Variants in AGMO observed in about 807,000 individuals in gnomAD.
The protein encoded by AGMO is glyceryl-ether monooxygenase.
A neutral mutation model predicts 60.2 loss-of-function variants in AGMO; 75 were observed. The ratio of observed to expected loss-of-function variants is 1.25; its 90% CI spans 1.03 to 1.51. The LOEUF (loss-of-function observed/expected upper bound fraction) is 1.51. AGMO is among the 40% of genes most tolerant of loss of function. The pLI, the probability that AGMO is intolerant of heterozygous loss-of-function variation, is 0.00. For missense variants in AGMO, 763 were observed against 525.5 expected, an observed-to-expected ratio of 1.45 and a Z score of -4.42; for synonymous variants, 261 against 177.1, an observed-to-expected ratio of 1.47 and a Z score of -3.76.
intron 5 of AGMO, among the ~76,000 whole-genome samples, chr7:15,418,125 A>T (rs1306539988): frequency 6.6e-6 from 1 of 152,052 alleles, no homozygotes; most frequent in Non-Finnish European, 1.5e-5. Flanking sequence ...TTCCAATCAA[A>T]AATTATTTTC....
At chr7:15,220,789 C>A (rs1006182574) in intron 12 of AGMO, among the ~76,000 whole-genome samples, 1 of 151,748 alleles carries the variant, frequency 6.6e-6, no homozygotes, top group Non-Finnish European at 1.5e-5. Context: ...TTATTATTAC[C>A]ATAAATAGCA....
intron 2 of AGMO, among the ~76,000 whole-genome samples, chr7:15,553,723 A>C (rs568083075): frequency 6.6e-6 from 1 of 152,266 alleles, no homozygotes; most frequent in Admixed American, 6.5e-5. Flanking sequence ...TACATAAATA[A>C]ATAAATAAAT....
chr7:15,169,509 T>C, the AGMO span, among the ~76,000 whole-genome samples: 1 of 152,078 alleles, frequency 6.6e-6, no homozygotes, highest in Non-Finnish European at 1.5e-5. Context: ...CAATCTCGGC[T>C]CACCGCAACC....
intron 6 of AGMO, among the ~76,000 whole-genome samples, chr7:15,392,786 G>C (rs1784199467): frequency 6.8e-6 from 1 of 146,872 alleles, no homozygotes; most frequent in African/African-American, 2.6e-5. Context: ...GCGACAGAAT[G>C]AGACTCTGTC....
At chr7:15,200,223 A>G (rs1487046998), downstream of AGMO, 1 of 151,882 alleles carries the variant, frequency 6.6e-6, no homozygotes, top group Non-Finnish European at 1.5e-5. Flanking sequence ...TCCAGTTCTC[A>G]TTCTTTGGAC....
chr7:15,275,044 T>C (rs1191644357), intron 12 of AGMO, among the ~76,000 whole-genome samples: 2 of 152,070 alleles, frequency 1.3e-5, no homozygotes, highest in African/African-American at 4.8e-5. Context: ...CTCAATCTCA[T>C]TTAGTTCTGC....
At chr7:15,332,266 A>G (rs371774287) in intron 12 of AGMO, among the ~76,000 whole-genome samples, 1 of 152,112 alleles carries the variant, frequency 6.6e-6, no homozygotes, top group African/African-American at 2.4e-5. Flanking sequence ...CTTTCTCCCT[A>G]TCAGGACTCC....
chr7:15,446,870 G>C (rs2128504053), intron 3 of AGMO, among the ~76,000 whole-genome samples: 1 of 152,304 alleles, frequency 6.6e-6, no homozygotes, highest in South Asian at 2.1e-4. Context: ...AGTGCAAACT[G>C]TTCAGGTTCA....
At chr7:15,557,082 G>A (rs1785163927) in intron 2 of AGMO, among the ~76,000 whole-genome samples, 1 of 151,884 alleles carries the variant, frequency 6.6e-6, no homozygotes, top group Non-Finnish European at 1.5e-5. Flanking sequence ...AACATGGTAG[G>A]CACGCTATTA....
At chr7:15,428,075 T>C (rs1781121639) in intron 4 of AGMO, among the ~76,000 whole-genome samples, 1 of 148,752 alleles carries the variant, frequency 6.7e-6, no homozygotes, top group South Asian at 2.1e-4. Flanking sequence ...CCATTTATTA[T>C]TTGTCCTAAA....
intron 12 of AGMO, among the ~76,000 whole-genome samples, chr7:15,263,013 G>A (rs1042801032): frequency 1.3e-5 from 2 of 152,080 alleles, no homozygotes. Context: ...CTAGACATTG[G>A]CTTAGGCAAT....
rs116346384 is a variant in AGMO, at chr7:15,497,106, G to A, written c.409+47666C>T. Among the ~76,000 whole-genome samples the A allele has an allele frequency of 1.0e-2, 1,519 of 152,246 alleles. 27 individuals carry two copies. Among genetic ancestry groups the A allele is most frequent in the African/African-American group, 0.036 (1,484 of 41,556 alleles). On this transcript the variant is annotated intron_variant, in intron 3 of 12. Transcript: ENST00000342526. ...AAGTCAGAGGACTGGAGCCCTCACC[G>A]TAGTTCTCCCACTGATTCCTACAAT... is the stretch of plus-strand genomic sequence containing the variant.
intron 3 of AGMO, among the ~76,000 whole-genome samples, chr7:15,466,818 G>C (rs1050067136): frequency 6.6e-6 from 1 of 152,068 alleles, no homozygotes; most frequent in Non-Finnish European, 1.5e-5. Context: ...GGATACAGTT[G>C]GTTCAAGCAA....
chr7:15,281,916 T>C lies in AGMO; in HGVS notation c.1264-80557A>G, dbSNP rs371174011. On this transcript the variant is annotated intron_variant, in intron 12 of 12. Transcript: ENST00000342526. ...TACACCAAACACATTGCTACTACAA[T>C]GAGCATCTGAGAAAGCTACTACAAA... is the stretch of plus-strand genomic sequence containing the variant. Among the ~76,000 whole-genome samples the C allele has an allele frequency of 5.9e-5, 9 of 152,262 alleles. No homozygotes were observed. The South Asian group carries it at 1.9e-3, about 32-fold the overall frequency.
At chr7:15,387,222 C>G (rs947682677) in intron 9 of AGMO, among the ~76,000 whole-genome samples, 184 bp downstream of exon 9, 2 of 152,206 alleles carry the variant, frequency 1.3e-5, no homozygotes, top group African/African-American at 2.4e-5. Flanking sequence ...TGGGAGAAGG[C>G]ACTCCTTTAA....
In AGMO at chr7:15,254,835, T is replaced by A. The variant is rs200684854; in HGVS notation, c.1264-53476A>T. Among the ~76,000 whole-genome samples the A allele has an allele frequency of 5.3e-5, 8 of 151,904 alleles. 1 individual carries two copies. The East Asian group carries it at 1.5e-3, about 29-fold the overall frequency. ...AATACAAAGAATCATAAGAAACTAC[T>A]ATAAACAATTTATAACAACAAATTA... On this transcript the variant is annotated intron_variant, in intron 12 of 12. Coordinates refer to ENST00000342526, the MANE Select transcript of AGMO (RefSeq NM_001004320.2).
chr7:15,261,522 C>T (rs1783270499), intron 12 of AGMO, among the ~76,000 whole-genome samples: 1 of 151,774 alleles, frequency 6.6e-6, no homozygotes, highest in Non-Finnish European at 1.5e-5. Flanking sequence ...ATATTGTCAA[C>T]ACACAAAAAA....
At chr7:15,203,117 T>C (rs1051113180) in intron 12 of AGMO, among the ~76,000 whole-genome samples, 1 of 152,158 alleles carries the variant, frequency 6.6e-6, no homozygotes. Context: ...GAGGGAAGGC[T>C]GAGTACAATT....
chr7:15,317,123 A>T (rs1179536213), intron 12 of AGMO, among the ~76,000 whole-genome samples: 1 of 152,118 alleles, frequency 6.6e-6, no homozygotes, highest in Non-Finnish European at 1.5e-5. Context: ...TCCCATTTTC[A>T]AAGTGGTAAC....
Sources: allele counts gnomAD v4.1 joint callset (sites outside exome capture counted in the v4.1 genomes callset), GRCh38; gene constraint gnomAD v4.1.1; transcripts MANE v1.5; gene names NCBI Gene and HGNC (gene_info 2026-07-23, HGNC 2026-07-21).